Variants in ARHGAP15 observed in about 807,000 individuals in gnomAD.
The protein encoded by ARHGAP15 is Rho GTPase activating protein 15.
In ARHGAP15, 51 loss-of-function variants were observed where a neutral mutation model predicts 63.7. The ratio of observed to expected loss-of-function variants is 0.80; its 90% CI spans 0.64 to 1.01. ARHGAP15 has a LOEUF of 1.01. Ranked by LOEUF, ARHGAP15 falls within the 50% of genes least tolerant of loss-of-function variation. The pLI, the probability that ARHGAP15 is intolerant of heterozygous loss-of-function variation, is 0.00. For missense variants in ARHGAP15, 560 were observed against 564.6 expected (o/e 0.99, Z 0.08); for synonymous variants, 191 against 193.8 (o/e 0.99, Z 0.12).
At chr2:143,231,762 A>C (rs1693451874) in intron 5 of ARHGAP15, among the ~76,000 whole-genome samples, 2 of 152,230 alleles carry the variant, frequency 1.3e-5, no homozygotes, top group African/African-American at 4.8e-5. Context: ...GAGGCTGGGA[A>C]GTCCACGATC....
intron 13 of ARHGAP15, among the ~76,000 whole-genome samples, chr2:143,711,705 G>A (rs751457525): frequency 6.6e-6 from 1 of 152,114 alleles, no homozygotes; most frequent in Non-Finnish European, 1.5e-5. Context: ...GAGGAGGGAG[G>A]ATAGCTTGAG....
At chr2:143,157,218 G>T (rs977104136) in intron 2 of ARHGAP15, among the ~76,000 whole-genome samples, 2 of 151,848 alleles carry the variant, frequency 1.3e-5, no homozygotes, top group Admixed American at 1.3e-4. Context: ...TAACTTTCAT[G>T]TGTTTATGCA....
chr2:143,281,282 A>G (rs1181502372), intron 6 of ARHGAP15, among the ~76,000 whole-genome samples: 2 of 152,192 alleles, frequency 1.3e-5, no homozygotes, highest in African/African-American at 4.8e-5. Flanking sequence ...TACATCAAAT[A>G]TATACATAGG....
At chr2:143,561,768 G>T (rs1297187531) in intron 11 of ARHGAP15, among the ~76,000 whole-genome samples, 1 of 152,002 alleles carries the variant, frequency 6.6e-6, no homozygotes, top group Non-Finnish European at 1.5e-5. Flanking sequence ...CTTCCAAAGT[G>T]CTGGGATTAC....
In ARHGAP15 at chr2:143,155,534, A is replaced by G; in HGVS notation, c.44A>G (p.Asn15Ser). 1.2e-6 allele frequency: 2 copies of G among 1,609,464 alleles called. No homozygotes were observed. Among genetic ancestry groups the G allele is most frequent in the Non-Finnish European group, 1.7e-6 (2 of 1,178,052 alleles). The change falls in exon 2 of 14, where the codon AAT becomes AGT. Residue 15 changes from asparagine to serine, a missense_variant. Asn to Ser is a conservative substitution (Grantham distance 46). Transcript: ENST00000295095. ...TCTGATACTTCCGTGGAAACACTGAATTCTACCCGCCAAGGCACAGGAGCT... is the reference window on the plus strand; with the variant it reads ...TCTGATACTTCCGTGGAAACACTGAGTTCTACCCGCCAAGGCACAGGAGCT... ...TNSDTSVETL[N>S]STRQGTGAVQ...
At chr2:143,618,854 C>T (rs902066975) in intron 11 of ARHGAP15, among the ~76,000 whole-genome samples, 6 of 150,520 alleles carry the variant, frequency 4.0e-5, no homozygotes, top group Non-Finnish European at 8.9e-5. Context: ...TCCTTTGAGA[C>T]GGAGTCTCGC....
At chr2:143,585,647 A>G (rs904234430) in intron 11 of ARHGAP15, among the ~76,000 whole-genome samples, 10 of 152,208 alleles carry the variant, frequency 6.6e-5, no homozygotes, top group Admixed American at 5.9e-4. Context: ...CCCAAGAAAT[A>G]TTAGCTTCTG....
chr2:143,426,606 A>T (rs1689147330), intron 6 of ARHGAP15, among the ~76,000 whole-genome samples: 2 of 152,130 alleles, frequency 1.3e-5, no homozygotes, highest in Admixed American at 1.3e-4. Context: ...AAGTGTCGGA[A>T]ACAACACAAG....
At chr2:143,466,148 A>G (rs1295114011) in intron 8 of ARHGAP15, among the ~76,000 whole-genome samples, 3 of 151,996 alleles carry the variant, frequency 2.0e-5, no homozygotes, top group Non-Finnish European at 4.4e-5. Context: ...TGGTAAAATT[A>G]GTCCAGAAGA....
intron 12 of ARHGAP15, among the ~76,000 whole-genome samples, chr2:143,644,732 G>A (rs1189452361): frequency 1.3e-5 from 2 of 151,898 alleles, no homozygotes; most frequent in Non-Finnish European, 2.9e-5. Context: ...AAGTTGCTGC[G>A]TGCAAAAAAA....
At chr2:143,318,509 C>CT (rs535910161) in intron 6 of ARHGAP15, among the ~76,000 whole-genome samples, 3,210 of 55,594 alleles carry the variant, frequency 0.058, 621 homozygotes, top group South Asian at 0.088. Context: ...GATTAAGGGC[C>CT]TTTTTTTTTT....
intron 13 of ARHGAP15, among the ~76,000 whole-genome samples, chr2:143,750,629 A>AT (rs1011934415): frequency 3.7e-4 from 56 of 152,276 alleles, no homozygotes; most frequent in African/African-American, 1.3e-3. Flanking sequence ...AGCACTTAAG[A>AT]TTTTGAGCTT....
intron 6 of ARHGAP15, among the ~76,000 whole-genome samples, chr2:143,307,369 G>C (rs1683222020): frequency 6.6e-6 from 1 of 152,084 alleles, no homozygotes; most frequent in Admixed American, 6.6e-5. Flanking sequence ...ATGCCAAGGG[G>C]TTATAATTTT....
chr2:143,596,856 C>T (rs1383699295), intron 11 of ARHGAP15, among the ~76,000 whole-genome samples: 2 of 152,056 alleles, frequency 1.3e-5, no homozygotes, highest in Non-Finnish European at 2.9e-5. Flanking sequence ...ATTCCAGGAA[C>T]ATTTTAAGTG....
intron 6 of ARHGAP15, among the ~76,000 whole-genome samples, chr2:143,331,241 A>C (rs1323381350): frequency 6.6e-6 from 1 of 152,108 alleles, no homozygotes; most frequent in Non-Finnish European, 1.5e-5. Context: ...ATTCTTCTGG[A>C]CATTATACAC....
At chr2:143,486,859 A>G (rs148302384) in intron 8 of ARHGAP15, among the ~76,000 whole-genome samples, 2 of 152,350 alleles carry the variant, frequency 1.3e-5, no homozygotes, top group African/African-American at 4.8e-5. Context: ...TTATACATCA[A>G]TAAGGAGAGT....
At chr2:143,662,588 A>T (rs1574797111) in intron 12 of ARHGAP15, among the ~76,000 whole-genome samples, 1 of 120,962 alleles carries the variant, frequency 8.3e-6, no homozygotes, top group Non-Finnish European at 1.9e-5. Flanking sequence ...GAGCCGAGAG[A>T]AGAAGGCTTC....
chr2:143,338,972 A>G (rs1684932363), intron 6 of ARHGAP15, among the ~76,000 whole-genome samples: 1 of 152,180 alleles, frequency 6.6e-6, no homozygotes, highest in Non-Finnish European at 1.5e-5. Flanking sequence ...TAGATAATAG[A>G]AAACCAAGAA....
intron 13 of ARHGAP15, among the ~76,000 whole-genome samples, chr2:143,708,516 A>G (rs1684430929): frequency 6.6e-6 from 1 of 152,118 alleles, no homozygotes; most frequent in Non-Finnish European, 1.5e-5. Context: ...ACTATTTCAC[A>G]TGTTTGACAA....
Sources: gnomAD v4.1 joint callset for allele counts (sites outside exome capture counted in the v4.1 genomes callset) on GRCh38, gnomAD v4.1.1 for gene constraint, MANE v1.5 for transcripts, NCBI Gene and HGNC (gene_info 2026-07-23, HGNC 2026-07-21) for gene names.